APBB2: variants seen among roughly 807,000 people sequenced by gnomAD.
The protein encoded by APBB2 is Fe65-like 1.
A neutral mutation model predicts 82.5 loss-of-function variants in APBB2; 38 were observed. The observed-to-expected ratio is 0.46, with a 90% CI of 0.36 to 0.60. The LOEUF is 0.60. Ranked by LOEUF, APBB2 falls within the 20% of genes least tolerant of loss-of-function variation. The pLI is 0.00. For synonymous variants in APBB2, 341 were observed against 368.2 expected (o/e 0.93, Z 0.85); for missense variants, 772 against 972.3 (o/e 0.79, Z 2.74).
intron 12 of APBB2, among the ~76,000 whole-genome samples, chr4:40,854,271 C>A (rs1299465444): frequency 6.6e-6 from 1 of 152,198 alleles, no homozygotes; most frequent in Non-Finnish European, 1.5e-5. Flanking sequence ...CTGTGTTCAA[C>A]ACAAGCTCTT....
chr4:41,027,391 ATATATATATATAT>A (rs2154437109), intron 5 of APBB2, among the ~76,000 whole-genome samples: 2 of 92,068 alleles, frequency 2.2e-5, no homozygotes, highest in African/African-American at 4.5e-5. Flanking sequence ...ATATATATAT[ATATATATATATAT>A]AACATTTTCA....
chr4:41,204,829 G>C (rs551903145), intron 1 of APBB2, among the ~76,000 whole-genome samples: 1 of 152,154 alleles, frequency 6.6e-6, no homozygotes, highest in Non-Finnish European at 1.5e-5. Context: ...AAAGGAATTC[G>C]AAAGATATAA....
At chr4:40,953,207 G>C (rs1790681126) in intron 6 of APBB2, among the ~76,000 whole-genome samples, 1 of 150,906 alleles carries the variant, frequency 6.6e-6, no homozygotes, top group Admixed American at 6.6e-5. Context: ...CTGAGGTAGG[G>C]GAATCACCTG....
chr4:40,858,826 A>G (rs1762083834), intron 12 of APBB2, among the ~76,000 whole-genome samples: 1 of 152,222 alleles, frequency 6.6e-6, no homozygotes, highest in Non-Finnish European at 1.5e-5. Flanking sequence ...ATCTACGATC[A>G]GTAACACTTC....
At chr4:40,947,577 G>A (rs1405660162) in intron 6 of APBB2, among the ~76,000 whole-genome samples, 1 of 152,220 alleles carries the variant, frequency 6.6e-6, no homozygotes, top group Non-Finnish European at 1.5e-5. Context: ...ACCCACCCTA[G>A]TTTTACTAAG....
chr4:40,985,909 T>C (rs912632482), intron 6 of APBB2, among the ~76,000 whole-genome samples: 1 of 152,206 alleles, frequency 6.6e-6, no homozygotes, highest in Non-Finnish European at 1.5e-5. Context: ...ATAATAAGCT[T>C]GCTGATCCAA....
At chr4:40,947,905 G>C (rs572619489) in intron 6 of APBB2, among the ~76,000 whole-genome samples, 1 of 152,286 alleles carries the variant, frequency 6.6e-6, no homozygotes, top group African/African-American at 2.4e-5. Context: ...AATAAATAAA[G>C]AAGGAAGAAA....
chr4:41,058,281 A>T (rs1318174725), intron 4 of APBB2, among the ~76,000 whole-genome samples: 1 of 151,420 alleles, frequency 6.6e-6, no homozygotes, highest in African/African-American at 2.5e-5. Flanking sequence ...GCGAATTACA[A>T]GAGAGGTTTA....
At chr4:41,208,652 C>G (rs1041387776) in intron 1 of APBB2, among the ~76,000 whole-genome samples, 2 of 152,192 alleles carry the variant, frequency 1.3e-5, no homozygotes, top group African/African-American at 4.8e-5. Flanking sequence ...AGTTACACTT[C>G]GGGAACTTCA....
At chr4:41,007,811 A>G (rs1301814088) in intron 6 of APBB2, among the ~76,000 whole-genome samples, 1 of 152,268 alleles carries the variant, frequency 6.6e-6, no homozygotes, top group Admixed American at 6.5e-5. Flanking sequence ...TACCGTGTGA[A>G]GAAGTTCATA....
At chr4:40,895,275 C>T (rs1320411006) in intron 10 of APBB2, among the ~76,000 whole-genome samples, 1 of 152,246 alleles carries the variant, frequency 6.6e-6, no homozygotes, top group Admixed American at 6.5e-5. Context: ...AGTGTGACCA[C>T]CTCAGCAGCC....
At chr4:41,171,326 A>G (rs1223551157) in intron 1 of APBB2, among the ~76,000 whole-genome samples, 1 of 152,226 alleles carries the variant, frequency 6.6e-6, no homozygotes. Context: ...GCCCTGCCCA[A>G]GGACCATTCT....
intron 10 of APBB2, among the ~76,000 whole-genome samples, chr4:40,900,228 A>G (rs1339600013): frequency 1.3e-5 from 2 of 152,312 alleles, no homozygotes; most frequent in Middle Eastern, 3.4e-3. Flanking sequence ...TGTATTCGCG[A>G]TGATAACATT....
intron 12 of APBB2, among the ~76,000 whole-genome samples, chr4:40,864,596 A>C (rs1193689048): frequency 6.6e-6 from 1 of 152,208 alleles, no homozygotes; most frequent in Non-Finnish European, 1.5e-5. Context: ...TAAGTGGAAG[A>C]GATTCCGAAG....
chr4:40,988,963 T>G (rs1441796693), intron 6 of APBB2, among the ~76,000 whole-genome samples: 1 of 152,102 alleles, frequency 6.6e-6, no homozygotes, highest in African/African-American at 2.4e-5. Flanking sequence ...TTTCACCATG[T>G]TGGCCAGGCT....
chr4:40,818,585 A>G (rs1443907819), intron 17 of APBB2, among the ~76,000 whole-genome samples: 8 of 152,092 alleles, frequency 5.3e-5, no homozygotes, highest in African/African-American at 1.9e-4. Context: ...GATCTCCTTT[A>G]TCTCATCAAC....
intron 3 of APBB2, among the ~76,000 whole-genome samples, chr4:41,074,752 G>A (rs1225141531): frequency 2.6e-5 from 4 of 151,812 alleles, no homozygotes; most frequent in Non-Finnish European, 5.9e-5. Context: ...TGGGACTACA[G>A]GCATCCGCCA....
At chr4:41,082,408 G>C (rs1189599428) in intron 3 of APBB2, among the ~76,000 whole-genome samples, 1 of 152,094 alleles carries the variant, frequency 6.6e-6, no homozygotes, top group Non-Finnish European at 1.5e-5. Flanking sequence ...CCTATGGAAC[G>C]CATAATGATC....
intron 3 of APBB2, among the ~76,000 whole-genome samples, chr4:41,093,621 A>C (rs1024841075): frequency 6.6e-6 from 1 of 152,218 alleles, no homozygotes; most frequent in African/African-American, 2.4e-5. Context: ...TGGGAGGCCA[A>C]GGAGTGCAGA....
Sources: allele counts gnomAD v4.1 joint callset (sites outside exome capture counted in the v4.1 genomes callset), GRCh38; gene constraint gnomAD v4.1.1; transcripts MANE v1.5; gene names NCBI Gene and HGNC (gene_info 2026-07-23, HGNC 2026-07-21).